SPSB1: variants seen among roughly 807,000 people sequenced by gnomAD.
SPSB1 encodes the protein splA/ryanodine receptor domain and SOCS box containing 1.
In SPSB1, 8 loss-of-function variants were observed where a neutral mutation model predicts 21.2. That is an observed-to-expected ratio of 0.38 (90% CI 0.22 to 0.68). The LOEUF is 0.68. SPSB1 is among the 30% of genes least tolerant of loss of function. SPSB1 has a pLI of 0.53. For missense variants in SPSB1, 242 were observed against 377.8 expected (o/e 0.64, Z 2.98); for synonymous variants, 169 against 161.7 (o/e 1.05, Z -0.34).
intron 1 of SPSB1, among the ~76,000 whole-genome samples, chr1:9,347,459 C>T (rs1015667277): frequency 1.3e-5 from 2 of 152,188 alleles, no homozygotes; most frequent in African/African-American, 4.8e-5. Flanking sequence ...TTCCCTCCCA[C>T]CCACAATCAT....
chr1:9,353,668 C>T (rs1275894524), intron 1 of SPSB1, among the ~76,000 whole-genome samples: 1 of 152,076 alleles, frequency 6.6e-6, no homozygotes, highest in African/African-American at 2.4e-5. Context: ...ACCTGTAATC[C>T]CAGCACTTGG....
chr1:9,356,257 C>G lies in SPSB1; in HGVS notation c.366C>G (p.Ala122=). 1.2e-6 allele frequency: 2 copies of G among 1,609,890 alleles called. No individual in the cohort carries two copies. The highest frequency in any genetic ancestry group is 8.5e-7 in the Non-Finnish European group (1 of 1,177,312). The stretch of plus-strand genomic sequence containing the variant: ...TGGTGGGGGTGGCGACGGCAGACGC[C>G]CCCCTGCACTCTGTCGGGTACACAA... ...HAVVGVATAD[A]PLHSVGYTTL... is the part of the protein sequence containing the mutation. The change falls in exon 2 of 3, where the codon GCC becomes GCG. Residue 122 remains alanine (A), a synonymous_variant. Transcript: ENST00000328089. This position sits in a 1 kb window ranked among gnomAD's most constrained non-coding sequence, Gnocchi z 7.4.
At chr1:9,339,348 G>A in intron 1 of SPSB1, 1 of 966,682 alleles carries the variant, frequency 1.0e-6, no homozygotes, top group Non-Finnish European at 1.2e-6. Flanking sequence ...CTTCAGCTAG[G>A]ACTTAGGGCT....
chr1:9,306,261 C>T (rs1040620412), intron 1 of SPSB1, among the ~76,000 whole-genome samples: 7 of 152,228 alleles, frequency 4.6e-5, no homozygotes, highest in Non-Finnish European at 1.0e-4. Flanking sequence ...TTCCTAGCCG[C>T]GTCCTGCAGC....
chr1:9,350,300 A>G (rs1367574503), intron 1 of SPSB1, among the ~76,000 whole-genome samples: 1 of 152,092 alleles, frequency 6.6e-6, no homozygotes, highest in Non-Finnish European at 1.5e-5. Flanking sequence ...CATTATTTAG[A>G]GTGAGTAGAG....
chr1:9,306,702 A>G (rs1431198736), intron 1 of SPSB1, among the ~76,000 whole-genome samples: 3 of 152,108 alleles, frequency 2.0e-5, no homozygotes, highest in Non-Finnish European at 4.4e-5. Context: ...CGAGGAAGAA[A>G]TGAGCGATCC....
At chr1:9,314,170 T>C (rs1179707819) in intron 1 of SPSB1, among the ~76,000 whole-genome samples, 1 of 117,000 alleles carries the variant, frequency 8.5e-6, no homozygotes, top group Non-Finnish European at 1.9e-5. Flanking sequence ...ATTGAGACTC[T>C]ATCTCAAAAA....
At chr1:9,302,455 G>C (rs753246106) in intron 1 of SPSB1, among the ~76,000 whole-genome samples, 3 of 152,166 alleles carry the variant, frequency 2.0e-5, no homozygotes, top group Non-Finnish European at 4.4e-5. Context: ...TGGGTGGGGA[G>C]GATCTGCCCT....
rs2075972 is a variant in SPSB1, at chr1:9,346,920, T to C, written c.-149-8823T>C. Reference sequence around the variant, plus strand: ...CGGGGCTAATTAAAATCTGTAATTTTGAAACAGTATAATCGGAAGTCTTGG... The same window carrying C: ...CGGGGCTAATTAAAATCTGTAATTTCGAAACAGTATAATCGGAAGTCTTGG... On this transcript the variant is annotated intron_variant, in intron 1 of 2. Coordinates refer to ENST00000328089, the MANE Select transcript of SPSB1 (RefSeq NM_025106.4). This position sits in a 1 kb window ranked among gnomAD's most constrained non-coding sequence, Gnocchi z 4.4. Among the ~76,000 whole-genome samples, 43,448 of 152,212 alleles carry C rather than the reference T, an allele frequency of 0.29. 6,706 individuals carry two copies. Among genetic ancestry groups the C allele is most frequent in the African/African-American group, 0.41 (17,088 of 41,518 alleles).
At chr1:9,341,975 T>C (rs994922376) in intron 1 of SPSB1, among the ~76,000 whole-genome samples, 1 of 152,220 alleles carries the variant, frequency 6.6e-6, no homozygotes, top group Non-Finnish European at 1.5e-5. Flanking sequence ...GTGCTGGGAT[T>C]ACAGGCGTGA....
chr1:9,293,344 G>A lies in SPSB1; in HGVS notation c.-150+273G>A, dbSNP rs866138547. 1.3e-4 allele frequency among the ~76,000 whole-genome samples: 19 copies of A among 150,444 alleles called. No individual in the cohort carries two copies. The highest frequency in any genetic ancestry group is 4.4e-4 in the African/African-American group (18 of 41,182). Reference sequence around the variant, plus strand: ...CGCTGCCGCCGCTGCAGGGCAGGGGGTCCCGGGGCGAGGCGCGGCGGGGGT... The same window carrying A: ...CGCTGCCGCCGCTGCAGGGCAGGGGATCCCGGGGCGAGGCGCGGCGGGGGT... On this transcript the variant is annotated intron_variant, in intron 1 of 2. Transcript: ENST00000328089. This position sits in a 1 kb window ranked among gnomAD's most constrained non-coding sequence, Gnocchi z 5.1.
intron 1 of SPSB1, among the ~76,000 whole-genome samples, chr1:9,352,881 G>A (rs1043929010): frequency 4.1e-5 from 5 of 122,044 alleles, no homozygotes; most frequent in African/African-American, 9.1e-5. Flanking sequence ...GCTCCCACAC[G>A]TGGAGAGAGG....
chr1:9,340,926 G>A (rs115370515), intron 1 of SPSB1, among the ~76,000 whole-genome samples: 2,455 of 152,332 alleles, frequency 0.016, 24 homozygotes, highest in Middle Eastern at 0.034. Context: ...GGGAAGGGGA[G>A]AAGACTGGTC....
intron 1 of SPSB1, among the ~76,000 whole-genome samples, chr1:9,334,306 G>A (rs948925130): frequency 2.6e-5 from 4 of 151,916 alleles, no homozygotes; most frequent in African/African-American, 9.7e-5. Flanking sequence ...GGCTGCTCTC[G>A]AACTCTTGAC....
intron 1 of SPSB1, among the ~76,000 whole-genome samples, chr1:9,304,961 C>T (rs1266333393): frequency 6.6e-6 from 1 of 152,168 alleles, no homozygotes; most frequent in African/African-American, 2.4e-5. Flanking sequence ...CGCTCACCCT[C>T]TGCTGCTTGG....
At chr1:9,355,037 G>A (rs1640339747) in intron 1 of SPSB1, among the ~76,000 whole-genome samples, 1 of 152,202 alleles carries the variant, frequency 6.6e-6, no homozygotes, top group African/African-American at 2.4e-5. Context: ...GAAAAAGGTG[G>A]TTGGTCATCT....
intron 1 of SPSB1, among the ~76,000 whole-genome samples, chr1:9,341,520 G>A (rs1640090146): frequency 1.3e-5 from 2 of 152,128 alleles, no homozygotes; most frequent in African/African-American, 4.8e-5. Flanking sequence ...TTTGGACTTG[G>A]GTGTTTTCCC....
chr1:9,362,647 ACC>A (rs1640500290), intron 2 of SPSB1, among the ~76,000 whole-genome samples: 1 of 152,134 alleles, frequency 6.6e-6, no homozygotes, highest in Non-Finnish European at 1.5e-5. Context: ...TGGGCACAGC[ACC>A]ACACTCTTGA....
At chr1:9,316,913 C>A (rs1639626179) in intron 1 of SPSB1, among the ~76,000 whole-genome samples, 1 of 152,118 alleles carries the variant, frequency 6.6e-6, no homozygotes, top group Admixed American at 6.5e-5. Context: ...ATAAGAGTGC[C>A]CCCGGGTAGA....
Sources: gnomAD v4.1 joint callset for allele counts (sites outside exome capture counted in the v4.1 genomes callset) on GRCh38, gnomAD v4.1.1 for gene constraint, Gnocchi (gnomAD v3.1) non-coding constraint, MANE v1.5 for transcripts, NCBI Gene and HGNC (gene_info 2026-07-23, HGNC 2026-07-21) for gene names.